The following ATXN2 variants were observed in gnomAD, a reference collection of about 807,000 sequenced individuals.
ATXN2 encodes ataxin-2.
A neutral mutation model predicts 138.6 loss-of-function variants in ATXN2; 37 were observed. The observed-to-expected ratio is 0.27, with a 90% confidence interval of 0.21 to 0.35. The LOEUF (loss-of-function observed/expected upper bound fraction) is 0.35, where lower values mean the gene tolerates loss of function less well. ATXN2 is among the 10% of genes least tolerant of loss of function. The pLI is 1.00. For missense variants in ATXN2, 1,216 were observed against 1,480.3 expected, an observed-to-expected ratio of 0.82 and a Z score of 2.93; for synonymous variants, 549 against 543.7, an observed-to-expected ratio of 1.01 and a Z score of -0.13.
rs1365250614 is a variant in ATXN2 at position 111,543,497 on chromosome 12, G to A, written c.571+8783C>T. Among the ~76,000 whole-genome samples, 4 of 152,120 alleles carry A rather than the reference G, an allele frequency of 2.6e-5. No individual in the cohort carries two copies. In the East Asian group the frequency reaches 5.8e-4, roughly 22 times the overall value. On this transcript the variant is annotated intron_variant, in intron 5 of 24. Coordinates refer to ENST00000673436, the MANE Select transcript of ATXN2 (RefSeq NM_001372574.1). ...CACTCAGGCTGGAGTGCAGTGGTAC[G>A]ATCTCAGCTCATTGCAACCTCCACC...
intron 18 of ATXN2, among the ~76,000 whole-genome samples, chr12:111,480,713 CA>C (rs1386102929): frequency 6.6e-6 from 1 of 152,098 alleles, no homozygotes; most frequent in Non-Finnish European, 1.5e-5. Flanking sequence ...GTCTTTTCAA[CA>C]AATGAGGTGG....
chr12:111,552,377 C>A lies in ATXN2; in HGVS notation c.474G>T (p.Gly158=), dbSNP rs2135785907. The change falls in exon 5 of 25, where the codon GGG becomes GGT. Residue 158 remains glycine (G), a synonymous_variant. Transcript: ENST00000673436. The surrounding 1 kb of genome is among the most constrained non-coding windows in gnomAD (Gnocchi z 4.1). ...AHEKSTESSS[G]PKREEIMESI... ...TCTCCATTATTTCTTCACGTTTCGG[C>A]CCCGAACTGGATTCTGTACTTTTCT... 6.2e-7 allele frequency: 1 copy of A among 1,613,784 alleles called. No individual in the cohort carries two copies. The highest frequency in any genetic ancestry group is 8.5e-7 in the Non-Finnish European group (1 of 1,179,890).
At chr12:111,581,674 T>C (rs1412877815) in intron 1 of ATXN2, 3 of 704,302 alleles carry the variant, frequency 4.3e-6, no homozygotes, top group African/African-American at 3.5e-5. Flanking sequence ...CCCAGGCCTA[T>C]GCCTTTACCG....
rs1877554679 is a variant in ATXN2 at position 111,485,203 on chromosome 12, CTTAG to C, written c.2524+58_2524+61del. The C allele has an allele frequency of 6.8e-6, 10 of 1,463,606 alleles. No individual in the cohort carries two copies. The Admixed American group carries it at 7.1e-5, about 10-fold the overall frequency. 90.7% of individuals were successfully genotyped at this position (1,463,606 alleles called of 1,614,324 possible). On this transcript the variant is annotated intron_variant, in intron 18 of 24. Transcript: ENST00000673436. Reference sequence around the variant, plus strand: ...ACTACAACTATTTATTCATTATAAACTTAGTTACTCAATTCATGCAGCATGCAAA... The same window carrying C: ...ACTACAACTATTTATTCATTATAAACTTACTCAATTCATGCAGCATGCAAA...
chr12:111,587,194 C>T (rs1290555425), intron 1 of ATXN2, among the ~76,000 whole-genome samples: 1 of 151,788 alleles, frequency 6.6e-6, no homozygotes, highest in Non-Finnish European at 1.5e-5. Flanking sequence ...TAGTTAACTG[C>T]ACAAAGTCCA....
intron 14 of ATXN2, among the ~76,000 whole-genome samples, chr12:111,507,929 G>C (rs1431307682): frequency 6.6e-6 from 1 of 152,156 alleles, no homozygotes; most frequent in East Asian, 1.9e-4. Context: ...GGCGGTGCAA[G>C]ATGTGCTTTG....
rs183780620 is a variant in ATXN2, at chr12:111,505,290, A to C, written c.1935+4259T>G. Among the ~76,000 whole-genome samples, 175 of 152,324 alleles carry C rather than the reference A, an allele frequency of 1.1e-3. 1 individual carries two copies. The highest frequency in any genetic ancestry group is 2.1e-3 in the Admixed American group (32 of 15,286). The stretch of plus-strand genomic sequence containing the variant: ...AAACCCAGAAGAGTAATAAACCTTA[A>C]TGATTGATGAAACAGTATTTTCTTA... On this transcript the variant is annotated intron_variant, in intron 14 of 24. Transcript: ENST00000673436.
chr12:111,553,486 A>G (rs975423024), intron 3 of ATXN2, among the ~76,000 whole-genome samples: 1 of 140,484 alleles, frequency 7.1e-6, no homozygotes, highest in African/African-American at 2.7e-5. Flanking sequence ...TGCTATGTAA[A>G]TTGTCATACT....
intron 1 of ATXN2, among the ~76,000 whole-genome samples, chr12:111,578,140 T>C (rs1422956021): frequency 1.5e-4 from 23 of 152,138 alleles, no homozygotes; most frequent in Non-Finnish European, 2.9e-4. Flanking sequence ...GAGACTGCAG[T>C]GAGCCAACAT....
At position 111,464,022 on chromosome 12, in the gene ATXN2, A is replaced by T. The variant is rs190844268; in HGVS notation, c.2896+640T>A. Among the ~76,000 whole-genome samples the T allele has an allele frequency of 6.1e-4, 93 of 152,184 alleles. 1 individual carries two copies. The highest frequency in any genetic ancestry group is 1.2e-3 in the Non-Finnish European group (80 of 68,002). On this transcript the variant is annotated intron_variant, in intron 21 of 24. Transcript: ENST00000673436. The stretch of plus-strand genomic sequence containing the variant: ...AGGCTGGTCTTGAACTGCTGACCTC[A>T]GATGATCCACCCGCCTCAGCCTCCC...
chr12:111,541,220 C>G (rs983684677), intron 5 of ATXN2, among the ~76,000 whole-genome samples: 1 of 149,850 alleles, frequency 6.7e-6, no homozygotes, highest in African/African-American at 2.4e-5. Flanking sequence ...CCCCAATGTC[C>G]CAGAATCATT....
intron 5 of ATXN2, among the ~76,000 whole-genome samples, chr12:111,547,790 A>C (rs1364641787): frequency 6.6e-6 from 1 of 151,254 alleles, no homozygotes; most frequent in Non-Finnish European, 1.5e-5. Flanking sequence ...AAAAAAAAAA[A>C]AAAAACTTGA....
rs990696374 is a variant in ATXN2, at chr12:111,581,625, A to C, written c.251+17159T>G. On this transcript the variant is annotated intron_variant, in intron 1 of 24. Transcript: ENST00000673436. ...TTCATAGCATTGGCCTACTCCGTGA[A>C]GTCTAGGGACAAGAAGATGGTTGGC... is the stretch of plus-strand genomic sequence containing the variant. The C allele has an allele frequency of 1.5e-5, 12 of 779,894 alleles. No homozygotes were observed. The South Asian group carries it at 1.6e-4, about 11-fold the overall frequency. 48.3% of individuals were successfully genotyped at this position (779,894 alleles called of 1,614,324 possible).
At chr12:111,526,203 A>C (rs1880488452) in intron 5 of ATXN2, among the ~76,000 whole-genome samples, 1 of 151,306 alleles carries the variant, frequency 6.6e-6, no homozygotes. Context: ...TAAAAATACA[A>C]AAATTAGTTG....
At chr12:111,479,567 T>G (rs1877069453) in intron 18 of ATXN2, among the ~76,000 whole-genome samples, 1 of 151,932 alleles carries the variant, frequency 6.6e-6, no homozygotes. Flanking sequence ...AGGAATAAGC[T>G]GATACTAACA....
chr12:111,528,765 G>A (rs947544965), intron 5 of ATXN2, among the ~76,000 whole-genome samples: 4 of 152,090 alleles, frequency 2.6e-5, no homozygotes, highest in African/African-American at 4.8e-5. Flanking sequence ...GAGTTAGCAC[G>A]AAATGAGGCT....
intron 22 of ATXN2, 117 bp downstream of exon 22, chr12:111,457,097 T>A (rs145153510): frequency 7.0e-6 from 9 of 1,290,200 alleles, no homozygotes; most frequent in Non-Finnish European, 9.6e-6. Context: ...GCTGTATCCA[T>A]CTTCACGAGG....
In ATXN2 at chr12:111,574,745, G is replaced by A. The variant is rs12825244; in HGVS notation, c.252-18826C>T. Among the ~76,000 whole-genome samples, 475 of 152,130 alleles carry A rather than the reference G, an allele frequency of 3.1e-3. 1 individual carries two copies. The highest frequency in any genetic ancestry group is 5.5e-3 in the Non-Finnish European group (374 of 68,004). ...GCCAAAATTCCTCATTTTCTTTTCCGTTTTTCATACTGTTGAAGTATAGTC... is the reference window on the plus strand; with the variant it reads ...GCCAAAATTCCTCATTTTCTTTTCCATTTTTCATACTGTTGAAGTATAGTC... On this transcript the variant is annotated intron_variant, in intron 1 of 24. Coordinates refer to ENST00000673436, the MANE Select transcript of ATXN2 (RefSeq NM_001372574.1).
At chr12:111,501,447 C>T (rs1461319698) in intron 14 of ATXN2, among the ~76,000 whole-genome samples, 1 of 152,114 alleles carries the variant, frequency 6.6e-6, no homozygotes, top group Non-Finnish European at 1.5e-5. Flanking sequence ...TAAAGAGAAA[C>T]CTACACAGCC....
Sources: gnomAD v4.1 joint callset for allele counts (sites outside exome capture counted in the v4.1 genomes callset) on GRCh38, gnomAD v4.1.1 for gene constraint, Gnocchi (gnomAD v3.1) non-coding constraint, MANE v1.5 for transcripts, NCBI Gene and HGNC (gene_info 2026-07-23, HGNC 2026-07-21) for gene names.